SDK1: variants seen among roughly 807,000 people sequenced by gnomAD.
SDK1 encodes protein sidekick-1.
Under a neutral mutation model 245.5 loss-of-function variants are expected in SDK1, and 157 were observed. That is an observed-to-expected ratio of 0.64 (90% CI 0.56 to 0.73). The LOEUF is 0.73. Among genes scored for constraint, SDK1 ranks in the 30% least tolerant of loss-of-function variants. SDK1 has a pLI of 0.00. For missense variants in SDK1, 3,583 were observed against 3,002.3 expected, an observed-to-expected ratio of 1.19 and a Z score of -4.52; for synonymous variants, 1,647 against 1,278.5, an observed-to-expected ratio of 1.29 and a Z score of -6.15.
chr7:3,416,079 T>C (rs1023249280), intron 1 of SDK1, among the ~76,000 whole-genome samples: 3 of 152,236 alleles, frequency 2.0e-5, no homozygotes, highest in African/African-American at 7.2e-5. Flanking sequence ...GCTGCAAAAG[T>C]CATTGCTGTC....
chr7:3,808,178 G>A (rs1236560002), intron 4 of SDK1, among the ~76,000 whole-genome samples: 3 of 152,224 alleles, frequency 2.0e-5, no homozygotes, highest in Non-Finnish European at 2.9e-5. Flanking sequence ...GCACACAGCA[G>A]TTGCCAGGCC....
intron 1 of SDK1, among the ~76,000 whole-genome samples, chr7:3,522,475 G>C (rs1255770627): frequency 6.6e-6 from 1 of 152,042 alleles, no homozygotes; most frequent in African/African-American, 2.4e-5. Flanking sequence ...TCACGTACAT[G>C]GCATAAAATA....
At position 3,960,787 on chromosome 7, in the gene SDK1, C is replaced by T. The variant is rs533721706; in HGVS notation, c.1234+1773C>T. On this transcript the variant is annotated intron_variant, in intron 8 of 44. Coordinates refer to ENST00000404826, the MANE Select transcript of SDK1 (RefSeq NM_152744.4). ...TGAGAGAAGAGTAAGACGAATTTTA[C>T]GTGGAATTATCTTTCTTACAGTGGT... Among the ~76,000 whole-genome samples the T allele has an allele frequency of 9.9e-5, 15 of 152,264 alleles. 1 individual carries two copies. The East Asian group carries it at 1.9e-3, about 20-fold the overall frequency.
chr7:3,328,642 T>G (rs1488036570), intron 1 of SDK1, among the ~76,000 whole-genome samples: 1 of 152,122 alleles, frequency 6.6e-6, no homozygotes, highest in Non-Finnish European at 1.5e-5. Flanking sequence ...TTTCATAAAA[T>G]CTTTTTATGT....
At chr7:4,128,907 C>G (rs1339039721) in intron 26 of SDK1, among the ~76,000 whole-genome samples, 364 of 25,676 alleles carry the variant, frequency 0.014, no homozygotes, top group Middle Eastern at 0.031. Context: ...GGGGTGGGGT[C>G]CCCTGGAGGA....
chr7:3,515,314 A>G (rs955047508), intron 1 of SDK1, among the ~76,000 whole-genome samples: 5 of 152,176 alleles, frequency 3.3e-5, no homozygotes, highest in East Asian at 1.9e-4. Flanking sequence ...TGTTGTGTCT[A>G]TATTAAATTC....
intron 5 of SDK1, among the ~76,000 whole-genome samples, chr7:3,866,906 C>G (rs542554776): frequency 2.0e-5 from 3 of 152,168 alleles, no homozygotes; most frequent in African/African-American, 7.2e-5. Context: ...CGAGAGAACA[C>G]GTGGCCTCCA....
At chr7:3,499,045 C>G (rs906266169) in intron 1 of SDK1, among the ~76,000 whole-genome samples, 1 of 152,164 alleles carries the variant, frequency 6.6e-6, no homozygotes, top group Non-Finnish European at 1.5e-5. Context: ...GTTTTAAAAT[C>G]TGATGTTGCA....
At chr7:3,711,797 G>T (rs913816094) in intron 4 of SDK1, among the ~76,000 whole-genome samples, 1 of 152,112 alleles carries the variant, frequency 6.6e-6, no homozygotes, top group African/African-American at 2.4e-5. Context: ...GTACAGTGGG[G>T]AGCTTCTGTA....
At chr7:3,498,850 T>C (rs1782105576) in intron 1 of SDK1, among the ~76,000 whole-genome samples, 1 of 152,152 alleles carries the variant, frequency 6.6e-6, no homozygotes, top group African/African-American at 2.4e-5. Flanking sequence ...AGTCTCTTTT[T>C]TGGGCTCATC....
At chr7:3,460,599 C>A (rs982994559) in intron 1 of SDK1, among the ~76,000 whole-genome samples, 4 of 152,068 alleles carry the variant, frequency 2.6e-5, no homozygotes, top group African/African-American at 9.7e-5. Context: ...ATTTAATGAC[C>A]TGAATCTTGC....
At chr7:3,672,245 C>G (rs1353459141) in intron 4 of SDK1, among the ~76,000 whole-genome samples, 1 of 152,032 alleles carries the variant, frequency 6.6e-6, no homozygotes, top group African/African-American at 2.4e-5. Context: ...AGAGTGGCTT[C>G]CATACCCATC....
chr7:4,071,299 A>C (rs1388082730), intron 20 of SDK1, among the ~76,000 whole-genome samples: 1 of 152,216 alleles, frequency 6.6e-6, no homozygotes, highest in African/African-American at 2.4e-5. Context: ...TGCTGGGATT[A>C]CTGGCATGAG....
intron 1 of SDK1, among the ~76,000 whole-genome samples, chr7:3,324,485 G>A (rs577673241): frequency 2.0e-5 from 3 of 152,224 alleles, no homozygotes; most frequent in African/African-American, 7.2e-5. Flanking sequence ...AATGTTTGGA[G>A]GATAGGATAA....
At chr7:4,021,880 G>A (rs1389360364) in intron 17 of SDK1, among the ~76,000 whole-genome samples, 1 of 152,174 alleles carries the variant, frequency 6.6e-6, no homozygotes, top group South Asian at 2.1e-4. Context: ...CTGACAATGG[G>A]CTCCTGGCTT....
intron 1 of SDK1, among the ~76,000 whole-genome samples, chr7:3,379,397 G>GA (rs1373569274): frequency 6.6e-6 from 1 of 152,106 alleles, no homozygotes; most frequent in East Asian, 1.9e-4. Flanking sequence ...AGTCCACCTG[G>GA]AGCACGTGTG....
intron 31 of SDK1, among the ~76,000 whole-genome samples, chr7:4,160,713 G>A (rs1367439487): frequency 8.5e-5 from 13 of 152,160 alleles, no homozygotes; most frequent in African/African-American, 2.2e-4. Flanking sequence ...TAATGGCACC[G>A]CTGTATCACC....
At chr7:3,648,390 A>C (rs950132841) in intron 4 of SDK1, among the ~76,000 whole-genome samples, 3 of 152,192 alleles carry the variant, frequency 2.0e-5, no homozygotes, top group African/African-American at 7.2e-5. Context: ...GTATTCTTGA[A>C]TGTTTTTTTC....
In SDK1 at chr7:4,140,139, C is replaced by T. The variant is rs536813606; in HGVS notation, c.4229-5583C>T. Among the ~76,000 whole-genome samples, 14 of 152,284 alleles carry T rather than the reference C, an allele frequency of 9.2e-5. No individual in the cohort carries two copies. In the Middle Eastern group the frequency reaches 0.01, roughly 111 times the overall value. The stretch of plus-strand genomic sequence containing the variant: ...GTGCTCTGGCTGCTGCAGACAGTGG[C>T]GCTGCTCCTGCAGGCCTTCTCTGCC... On this transcript the variant is annotated intron_variant, in intron 28 of 44. Coordinates refer to ENST00000404826, the MANE Select transcript of SDK1 (RefSeq NM_152744.4).
Sources: gnomAD v4.1 joint callset for allele counts (sites outside exome capture counted in the v4.1 genomes callset) on GRCh38, gnomAD v4.1.1 for gene constraint, MANE v1.5 for transcripts, NCBI Gene and HGNC (gene_info 2026-07-23, HGNC 2026-07-21) for gene names.